GGNBP2: variants seen among roughly 807,000 people sequenced by gnomAD.
GGNBP2 encodes the protein gametogenetin binding protein 2.
Under a neutral mutation model 85.9 loss-of-function variants are expected in GGNBP2, and 10 were observed. That is an observed-to-expected ratio of 0.12 (90% CI 0.07 to 0.20). GGNBP2 has a LOEUF of 0.20. Among genes scored for constraint, GGNBP2 ranks in the 10% least tolerant of loss-of-function variants. GGNBP2 has a pLI of 1.00. For missense variants in GGNBP2, 595 were observed against 857.8 expected (o/e 0.69, Z 3.83); for synonymous variants, 287 against 285.7 (o/e 1.00, Z -0.05).
intron 3 of GGNBP2, among the ~76,000 whole-genome samples, 164 bp downstream of exon 3, chr17:36,555,064 A>C (rs993024841): frequency 2.0e-5 from 3 of 152,178 alleles, no homozygotes; most frequent in Non-Finnish European, 4.4e-5. Context: ...TATTTACATG[A>C]TTTATGTAAC....
At chr17:36,550,120 T>C (rs2074295019) in intron 2 of GGNBP2, among the ~76,000 whole-genome samples, 2 of 151,990 alleles carry the variant, frequency 1.3e-5, no homozygotes. Flanking sequence ...GTATTTTTAG[T>C]AGAGACGAGG....
Position 36,585,817 on chromosome 17 carries a change from A to G in GGNBP2, c.1367-23A>G, listed in dbSNP as rs367637826. The G allele has an allele frequency of 9.3e-6, 15 of 1,605,380 alleles. 1 individual carries two copies. The highest frequency in any genetic ancestry group is 1.3e-5 in the African/African-American group (1 of 74,588). ...TATACTTATTGGTATGTTAATAGTA[A>G]CTCTCACTTGATTTATTCTCAGGCT... On this transcript the variant is annotated intron_variant, in intron 10 of 13. Coordinates refer to ENST00000613102, the MANE Select transcript of GGNBP2 (RefSeq NM_024835.5).
At position 36,557,522 on chromosome 17, in the gene GGNBP2, T is replaced by C. The variant is rs536282172; in HGVS notation, c.428+186T>C. 1.7e-4 allele frequency among the ~76,000 whole-genome samples: 26 copies of C among 152,260 alleles called. 1 individual carries two copies. In the South Asian group the frequency reaches 4.8e-3, roughly 28 times the overall value. Reference sequence around the variant, plus strand: ...GGGAGAGGCAGACAGAAAGCAAATATTCAATTTGTCAGGGATGATAAGTTA... The same window carrying C: ...GGGAGAGGCAGACAGAAAGCAAATACTCAATTTGTCAGGGATGATAAGTTA... On this transcript the variant is annotated intron_variant, in intron 4 of 13. Transcript: ENST00000613102.
intron 3 of GGNBP2, among the ~76,000 whole-genome samples, chr17:36,555,123 C>T (rs1207426583): frequency 6.6e-6 from 1 of 152,066 alleles, no homozygotes. Flanking sequence ...TTTACATGTC[C>T]ATAAGACTTT....
intron 6 of GGNBP2, among the ~76,000 whole-genome samples, chr17:36,568,452 A>C (rs2074489990): frequency 6.6e-6 from 1 of 151,958 alleles, no homozygotes; most frequent in East Asian, 2.0e-4. Flanking sequence ...GCATGCCACC[A>C]CGCCCGGCTA....
At position 36,583,447 on chromosome 17, in the gene GGNBP2, T is replaced by C. The variant is rs569975982; in HGVS notation, c.1216-1853T>C. Among the ~76,000 whole-genome samples, 9 of 152,162 alleles carry C rather than the reference T, an allele frequency of 5.9e-5. No homozygotes were observed. In the East Asian group the frequency reaches 1.7e-3, roughly 29 times the overall value. On this transcript the variant is annotated intron_variant, in intron 9 of 13. Transcript: ENST00000613102. Reference sequence around the variant, plus strand: ...TGAAGAAAGTCTAGTCTCACACAGATATTATATGGTAGGAAAAGTATTTTA... The same window carrying C: ...TGAAGAAAGTCTAGTCTCACACAGACATTATATGGTAGGAAAAGTATTTTA...
chr17:36,560,765 T>C lies in GGNBP2; in HGVS notation c.429-8T>C. On this transcript the variant is annotated splice_region_variant and splice_polypyrimidine_tract_variant and intron_variant, in intron 4 of 13. Coordinates refer to ENST00000613102, the MANE Select transcript of GGNBP2 (RefSeq NM_024835.5). The stretch of plus-strand genomic sequence containing the variant: ...ATTAAACCCTTAATATGTTTTATTT[T>C]TAATTAGGTCCAAACTAAATGACAT... The C allele has an allele frequency of 7.0e-7, 1 of 1,432,302 alleles. No homozygotes were observed. Among genetic ancestry groups the C allele is most frequent in the Non-Finnish European group, 9.6e-7 (1 of 1,038,054 alleles). The allele number at this position is 1,432,302 out of a possible 1,614,324, so 88.7% of individuals were successfully genotyped here.
chr17:36,585,993 T>C, intron 11 of GGNBP2, 28 bp downstream of exon 11: 1 of 1,613,978 alleles, frequency 6.2e-7, no homozygotes, highest in Non-Finnish European at 8.5e-7. Context: ...TTCCCAGTTA[T>C]TTCTACTACA....
At chr17:36,545,882 C>T (rs759190888) in intron 2 of GGNBP2, 65 bp downstream of exon 2, 3 of 1,170,732 alleles carry the variant, frequency 2.6e-6, no homozygotes, top group African/African-American at 3.1e-5. Flanking sequence ...CCTCCCCCTC[C>T]CCCAGGCCGA....
At chr17:36,553,355 CAT>C (rs1258284625) in intron 2 of GGNBP2, among the ~76,000 whole-genome samples, 1 of 152,172 alleles carries the variant, frequency 6.6e-6, no homozygotes, top group Non-Finnish European at 1.5e-5. Context: ...TCATATATCT[CAT>C]ATTCCTCCGT....
intron 4 of GGNBP2, among the ~76,000 whole-genome samples, chr17:36,559,973 T>C (rs1567821358): frequency 6.6e-6 from 1 of 152,170 alleles, no homozygotes; most frequent in Non-Finnish European, 1.5e-5. Context: ...AAGCTGGGAT[T>C]ACAGGCGTGC....
At chr17:36,553,440 A>G (rs2074330450) in intron 2 of GGNBP2, among the ~76,000 whole-genome samples, 1 of 152,150 alleles carries the variant, frequency 6.6e-6, no homozygotes. Flanking sequence ...TTGCTGTTAG[A>G]ACAAACATGT....
chr17:36,557,058 C>T (rs369517510), intron 3 of GGNBP2, 25 bp from the exon 4 acceptor site: 3 of 1,612,760 alleles, frequency 1.9e-6, no homozygotes, highest in Non-Finnish European at 2.5e-6. Flanking sequence ...AAAGGACACT[C>T]TTTCATTTTC....
chr17:36,567,927 G>A (rs2074484205), intron 6 of GGNBP2, 151 bp downstream of exon 6: 3 of 452,218 alleles, frequency 6.6e-6, no homozygotes, highest in African/African-American at 4.2e-5. Context: ...AGAGTAGGCA[G>A]TTCCTTTTTT....
intron 2 of GGNBP2, chr17:36,547,269 C>T (rs1241927988): frequency 1.3e-5 from 2 of 152,060 alleles, no homozygotes; most frequent in Non-Finnish European, 2.9e-5. Context: ...TATTTTCTTT[C>T]TTCTCTCCCC....
chr17:36,575,631 TATATATATATATATATA>T lies in GGNBP2; in HGVS notation c.642-2351_642-2335del, dbSNP rs1237357055. On this transcript the variant is annotated intron_variant, in intron 6 of 13. Coordinates refer to ENST00000613102, the MANE Select transcript of GGNBP2 (RefSeq NM_024835.5). ...AATGTAACATATATATATATATATA[TATATATATATATATATA>T]TTTTTTTTTTTTTTTGAGATGGAGT... Among the ~76,000 whole-genome samples, 58 of 45,432 alleles carry T rather than the reference TATATATATATATATATA, an allele frequency of 1.3e-3. 2 individuals are homozygous for T. The highest frequency in any genetic ancestry group is 7.5e-4 in the Admixed American group (4 of 5,328). 29.8% of individuals were successfully genotyped at this position (45,432 alleles called of 152,430 possible).
At chr17:36,547,643 G>A (rs1355926762) in intron 2 of GGNBP2, 1 of 152,248 alleles carries the variant, frequency 6.6e-6, no homozygotes, top group African/African-American at 2.4e-5. Context: ...ACCTTGCAAT[G>A]TGGTTTAGTA....
At chr17:36,550,822 C>T (rs1407306151) in intron 2 of GGNBP2, among the ~76,000 whole-genome samples, 2 of 152,168 alleles carry the variant, frequency 1.3e-5, no homozygotes, top group Non-Finnish European at 2.9e-5. Flanking sequence ...GGACTGTCTT[C>T]CTTTAGGTAA....
intron 4 of GGNBP2, among the ~76,000 whole-genome samples, chr17:36,558,292 G>A (rs967720093): frequency 4.0e-5 from 6 of 149,696 alleles, no homozygotes; most frequent in African/African-American, 1.5e-4. Flanking sequence ...GCGGGTCCCT[G>A]TAATCCCAGC....
Sources: gnomAD v4.1 joint callset for allele counts (sites outside exome capture counted in the v4.1 genomes callset) on GRCh38, gnomAD v4.1.1 for gene constraint, MANE v1.5 for transcripts, NCBI Gene and HGNC (gene_info 2026-07-23, HGNC 2026-07-21) for gene names.